MLXIPL: variants seen among roughly 807,000 people sequenced by gnomAD.
The protein encoded by MLXIPL is MLX interacting protein like, also known as carbohydrate-responsive element-binding protein.
A neutral mutation model predicts 81.5 loss-of-function variants in MLXIPL; 49 were observed. The observed-to-expected ratio is 0.60, with a 90% CI of 0.48 to 0.76. The LOEUF (loss-of-function observed/expected upper bound fraction) is 0.76, where lower values mean the gene tolerates loss of function less well. MLXIPL is among the 30% of genes least tolerant of loss of function. The pLI, the probability that MLXIPL is intolerant of heterozygous loss-of-function variation, is 0.00. For synonymous variants in MLXIPL, 466 were observed against 485.5 expected (o/e 0.96, Z 0.53); for missense variants, 1,053 against 1,167.0 (o/e 0.90, Z 1.42).
Position 73,596,896 on chromosome 7 carries a change from G to C in MLXIPL, c.1640C>G (p.Ser547Cys). The C allele has an allele frequency of 6.2e-7, 1 of 1,611,162 alleles. No individual in the cohort carries two copies. ...PEQALEPPLV[S>C]STLLRSPGSP... is the part of the protein sequence containing the mutation. ...CCCTGGGGACCGGAGGAGGGTGCTG[G>C]ATACAAGTGGTGGCTCCAGGGCTTG... The change falls in exon 10 of 17, where the codon TCC becomes TGC. Residue 547 changes from serine to cysteine, a missense_variant. Coordinates refer to ENST00000313375, the MANE Select transcript of MLXIPL (RefSeq NM_032951.3). This position sits in a 1 kb window ranked among gnomAD's most constrained non-coding sequence, Gnocchi z 4.7.
intron 1 of MLXIPL, among the ~76,000 whole-genome samples, chr7:73,622,212 C>A (rs1338322825): frequency 6.6e-6 from 1 of 151,650 alleles, no homozygotes; most frequent in African/African-American, 2.4e-5. Context: ...TTTTTTTGGC[C>A]AGGCATGTTG....
intron 7 of MLXIPL, among the ~76,000 whole-genome samples, chr7:73,602,319 TC>T (rs1794944430): frequency 6.7e-6 from 1 of 150,192 alleles, no homozygotes; most frequent in Non-Finnish European, 1.5e-5. Context: ...CAAACAATTC[TC>T]CTTGCCTCAG....
chr7:73,596,181 C>T lies in MLXIPL; in HGVS notation c.2030G>A (p.Ser677Asn), dbSNP rs1554593705. 1.2e-6 allele frequency: 2 copies of T among 1,613,290 alleles called. No individual in the cohort carries two copies. Among genetic ancestry groups the T allele is most frequent in the South Asian group, 2.2e-5 (2 of 91,054 alleles). The change falls in exon 13 of 17, where the codon AGC becomes AAC. Residue 677 changes from serine to asparagine, a missense_variant. Ser to Asn is a conservative substitution (Grantham distance 46). Coordinates refer to ENST00000313375, the MANE Select transcript of MLXIPL (RefSeq NM_032951.3). This position sits in a 1 kb window ranked among gnomAD's most constrained non-coding sequence, Gnocchi z 4.7. The part of the protein sequence containing the change: ...LGFDTLHGLV[S>N]TLSAQPSLKV... ...GAGGCTGGGCTGGGCACTGAGTGTG[C>T]TCACGAGCCCATGAAGGGTGTCAAA...
At chr7:73,612,074 C>T (rs891992201) in intron 2 of MLXIPL, among the ~76,000 whole-genome samples, 3 of 152,138 alleles carry the variant, frequency 2.0e-5, no homozygotes, top group Admixed American at 1.3e-4. Flanking sequence ...GCCTGTAGCC[C>T]CAACATTTTG....
the MLXIPL span, among the ~76,000 whole-genome samples, chr7:73,633,737 G>A: frequency 6.6e-6 from 1 of 152,156 alleles, no homozygotes; most frequent in Non-Finnish European, 1.5e-5. Flanking sequence ...TTCCAGGCGT[G>A]AGCCATGGTG....
chr7:73,597,016 T>G, intron 9 of MLXIPL, 84 bp from the exon 10 acceptor site: 1 of 1,516,698 alleles, frequency 6.6e-7, no homozygotes, highest in African/African-American at 1.4e-5. Context: ...CTCCCAAGAG[T>G]CCACACCCCT....
Position 73,596,163 on chromosome 7 carries a change from G to A in MLXIPL, c.2048C>T (p.Pro683Leu). The A allele has an allele frequency of 6.2e-7, 1 of 1,612,844 alleles. No individual in the cohort carries two copies. The highest frequency in any genetic ancestry group is 8.5e-7 in the Non-Finnish European group (1 of 1,179,882). ...GGGCCCGGGGCTCACCTTGAGGCTG[G>A]GCTGGGCACTGAGTGTGCTCACGAG... The part of the protein sequence containing the change: ...HGLVSTLSAQ[P>L]SLKVSKATTL... The change falls in exon 13 of 17, where the codon CCC becomes CTC. Residue 683 changes from proline to leucine, a missense_variant. Transcript: ENST00000313375. This position sits in a 1 kb window ranked among gnomAD's most constrained non-coding sequence, Gnocchi z 4.7.
At chr7:73,636,273 G>A in the MLXIPL span, among the ~76,000 whole-genome samples, 4 of 151,990 alleles carry the variant, frequency 2.6e-5, no homozygotes, top group South Asian at 2.1e-4. Context: ...AGCCGGATCC[G>A]GTGGTTTATG....
chr7:73,643,080 C>T, the MLXIPL span, among the ~76,000 whole-genome samples: 1 of 152,144 alleles, frequency 6.6e-6, no homozygotes, highest in Non-Finnish European at 1.5e-5. Context: ...TATATTTCCC[C>T]TTGCACCACA....
chr7:73,601,636 T>C (rs56356159), intron 7 of MLXIPL, among the ~76,000 whole-genome samples: 6,178 of 152,192 alleles, frequency 0.041, 169 homozygotes, highest in Non-Finnish European at 0.063. Context: ...GTTCAAACGA[T>C]TCTCATGCCT....
upstream of MLXIPL, among the ~76,000 whole-genome samples, chr7:73,627,217 C>T (rs1335882883): frequency 6.6e-6 from 1 of 151,834 alleles, no homozygotes; most frequent in Non-Finnish European, 1.5e-5. Context: ...AGGGGCTCTG[C>T]CCTGCTTCAG....
rs1554598620 is a variant in MLXIPL, at chr7:73,607,427, T to C, written c.484-7A>G. 6.4e-7 allele frequency: 1 copy of C among 1,552,874 alleles called. No individual in the cohort carries two copies. The highest frequency in any genetic ancestry group is 1.2e-5 in the South Asian group (1 of 84,392). ...TCCCCTCCAGGACCACGGCCTGGGG[T>C]AGGGGCCGGGGGAGGGGGATCAGTA... On this transcript the variant is annotated splice_region_variant and splice_polypyrimidine_tract_variant and intron_variant, in intron 3 of 16. Coordinates refer to ENST00000313375, the MANE Select transcript of MLXIPL (RefSeq NM_032951.3).
chr7:73,606,063 A>G lies in MLXIPL; in HGVS notation c.667T>C (p.Ser223Pro), dbSNP rs782660132. The change falls in exon 6 of 17, where the codon TCC becomes CCC. Residue 223 changes from serine (S) to proline (P), a missense_variant. Coordinates refer to ENST00000313375, the MANE Select transcript of MLXIPL (RefSeq NM_032951.3). ...CCCAGCAGCACGGGGACCACACTGGAGAAGAGCTGTTTGCACCATTGCTCC... is the reference window on the plus strand; with the variant it reads ...CCCAGCAGCACGGGGACCACACTGGGGAAGAGCTGTTTGCACCATTGCTCC... The part of the protein sequence containing the change: ...PPEQWCKQLF[S>P]SVVPVLLGDP... The G allele has an allele frequency of 1.3e-6, 2 of 1,592,642 alleles. No homozygotes were observed. The highest frequency in any genetic ancestry group is 1.8e-5 in the Admixed American group (1 of 56,544).
Position 73,596,841 on chromosome 7 carries a change from A to G in MLXIPL, c.1671+24T>C. ...GGTTGAAGGCCGTGGGCACAGCCCC[A>G]CCGCCCAGTGCCCGAGATCTTACCG... On this transcript the variant is annotated intron_variant, in intron 10 of 16. Transcript: ENST00000313375. The surrounding 1 kb of genome is among the most constrained non-coding windows in gnomAD (Gnocchi z 4.7). The G allele has an allele frequency of 6.2e-7, 1 of 1,609,376 alleles. No individual in the cohort carries two copies. Among genetic ancestry groups the G allele is most frequent in the Non-Finnish European group, 8.5e-7 (1 of 1,178,684 alleles).
At chr7:73,597,132 C>T (rs1554594444) in intron 9 of MLXIPL, 50 bp downstream of exon 9, 8 of 1,530,802 alleles carry the variant, frequency 5.2e-6, no homozygotes, top group Admixed American at 3.8e-5. Flanking sequence ...GTCCTCCCCA[C>T]CCCCTGGCCT....
At chr7:73,633,193 G>C in the MLXIPL span, among the ~76,000 whole-genome samples, 1 of 150,676 alleles carries the variant, frequency 6.6e-6, no homozygotes, top group African/African-American at 2.4e-5. Context: ...CCATTCTTCT[G>C]CCTCAGCCTC....
upstream of MLXIPL, among the ~76,000 whole-genome samples, chr7:73,625,027 T>C (rs1796653931): frequency 6.6e-6 from 1 of 151,934 alleles, no homozygotes; most frequent in East Asian, 1.9e-4. Flanking sequence ...CTACCAAACA[T>C]ACAAAAATTA....
Position 73,605,677 on chromosome 7 carries a change from G to C in MLXIPL, c.901+11C>G, listed in dbSNP as rs1554597708. ...GCCCGTCCACCCGACCTGGGGAGGGGCTCGCCCCACCTGAGATGTCCATGA... is the reference window on the plus strand; with the variant it reads ...GCCCGTCCACCCGACCTGGGGAGGGCCTCGCCCCACCTGAGATGTCCATGA... On this transcript the variant is annotated intron_variant, in intron 7 of 16. Coordinates refer to ENST00000313375, the MANE Select transcript of MLXIPL (RefSeq NM_032951.3). 10 of 1,612,946 alleles carry C rather than the reference G, an allele frequency of 6.2e-6. No homozygotes were observed. In the Admixed American group the frequency reaches 1.7e-4, roughly 27 times the overall value.
the MLXIPL span, among the ~76,000 whole-genome samples, chr7:73,647,191 G>T: frequency 1.3e-5 from 2 of 152,216 alleles, no homozygotes; most frequent in Non-Finnish European, 2.9e-5. Context: ...GGGCAGAGCA[G>T]CAGGAGTGCC....
Sources: allele counts gnomAD v4.1 joint callset (sites outside exome capture counted in the v4.1 genomes callset), GRCh38; gene constraint gnomAD v4.1.1; non-coding constraint Gnocchi (gnomAD v3.1); transcripts MANE v1.5; gene names NCBI Gene and HGNC (gene_info 2026-07-23, HGNC 2026-07-21).